Variants in OFD1 observed in about 807,000 individuals in gnomAD.
OFD1 encodes the protein centriole and centriolar satellite protein OFD1.
In OFD1, 12 loss-of-function variants were observed where a neutral mutation model predicts 81.4. The ratio of observed to expected loss-of-function variants is 0.15; its 90% CI spans 0.09 to 0.24. The LOEUF is 0.24. Ranked by LOEUF, OFD1 falls within the 10% of genes least tolerant of loss-of-function variation. The pLI, the probability that OFD1 is intolerant of heterozygous loss-of-function variation, is 1.00. For missense variants in OFD1, 685 were observed against 733.9 expected (o/e 0.93, Z 0.77); for synonymous variants, 256 against 263.7 (o/e 0.97, Z 0.28).
At chrX:13,765,059 G>A (rs965761449) in intron 19 of OFD1, among the ~76,000 whole-genome samples, 3 of 112,296 alleles carry the variant, frequency 2.7e-5, no homozygotes, top group African/African-American at 9.7e-5. Context: ...GAGTAACTAG[G>A]TGTTCTGCTG....
At chrX:13,738,727 T>A (rs1412341953) in intron 3 of OFD1, 119 bp from the exon 4 acceptor site, 1 of 508,056 alleles carries the variant, frequency 2.0e-6, no homozygotes. Context: ...ATTAGCATAG[T>A]TATAATCTTA....
the OFD1 span, among the ~76,000 whole-genome samples, chrX:13,729,633 G>A: frequency 1.8e-5 from 2 of 111,836 alleles, no homozygotes; most frequent in African/African-American, 3.3e-5. Context: ...TTAGGGCTGG[G>A]CACGGTGGCT....
At chrX:13,731,292 G>A (rs775926777), upstream of OFD1, among the ~76,000 whole-genome samples, 2 of 111,845 alleles carry the variant, frequency 1.8e-5, no homozygotes, top group African/African-American at 3.3e-5. Context: ...CATTCAGAGC[G>A]ACTAGAACAC....
At chrX:13,740,786 C>T (rs1172315745) in intron 5 of OFD1, among the ~76,000 whole-genome samples, 3 of 103,733 alleles carry the variant, frequency 2.9e-5, no homozygotes, top group African/African-American at 1.1e-4. Context: ...GAGCTGGACT[C>T]CATCTCAAAA....
intron 11 of OFD1, among the ~76,000 whole-genome samples, 195 bp from the exon 12 acceptor site, chrX:13,754,956 C>G (rs1157211726): frequency 5.3e-5 from 6 of 112,632 alleles, no homozygotes; most frequent in Admixed American, 4.7e-4. Flanking sequence ...AGTGGAATTT[C>G]ACCACATATA....
rs140561107 is a variant in OFD1, at chrX:13,756,755, C to T, written c.1399C>T (p.Arg467Cys). The change falls in exon 13 of 23, where the codon CGT becomes TGT. Residue 467 changes from arginine to cysteine, a missense_variant. Arg to Cys is a radical substitution (Grantham distance 180). Transcript: ENST00000340096. ...QLEESRNENL[R>C]LLNRLAQPAP... ...GGAAGAGAGTAGAAATGAAAACCTG[C>T]GTCTCCTAAACCGTATGTATTTTTC... 30 of 1,198,809 alleles carry T rather than the reference C, an allele frequency of 2.5e-5. No homozygotes were observed. The highest frequency in any genetic ancestry group is 1.2e-4 in the African/African-American group (7 of 57,010).
intron 3 of OFD1, 109 bp downstream of exon 3, chrX:13,736,787 G>C: frequency 1.8e-6 from 1 of 560,798 alleles, no homozygotes; most frequent in Non-Finnish European, 3.0e-6. Flanking sequence ...GTCCATTTCT[G>C]TTTCCTCTTT....
the OFD1 span, among the ~76,000 whole-genome samples, chrX:13,719,152 G>C: frequency 9.1e-6 from 1 of 110,276 alleles, no homozygotes; most frequent in Non-Finnish European, 1.9e-5. Flanking sequence ...GCAAGACTCT[G>C]TCTCAAAAAG....
intron 18 of OFD1, among the ~76,000 whole-genome samples, chrX:13,763,206 A>T (rs1238535495): frequency 8.9e-6 from 1 of 112,923 alleles, no homozygotes; most frequent in Non-Finnish European, 1.9e-5. Context: ...CCTGCCTTAG[A>T]CTGTCTTACT....
intron 18 of OFD1, among the ~76,000 whole-genome samples, chrX:13,763,298 T>G (rs996511395): frequency 8.9e-5 from 10 of 112,673 alleles, no homozygotes; most frequent in African/African-American, 3.2e-4. Context: ...AATCTTTATA[T>G]TTGCATATAA....
chrX:13,751,886 T>G lies in OFD1; in HGVS notation c.1055+518T>G, dbSNP rs375725168. The stretch of plus-strand genomic sequence containing the variant: ...AGAGAAGCACATCCTCTGCGCTTCT[T>G]ATGGCTTCTCTAACGTTTATTGTGG... On this transcript the variant is annotated intron_variant, in intron 10 of 22. Coordinates refer to ENST00000340096, the MANE Select transcript of OFD1 (RefSeq NM_003611.3). Among the ~76,000 whole-genome samples the G allele has an allele frequency of 8.9e-5, 10 of 112,201 alleles. No individual in the cohort carries two copies. In the East Asian group the frequency reaches 1.9e-3, roughly 22 times the overall value.
intron 19 of OFD1, 42 bp downstream of exon 19, chrX:13,763,897 C>T (rs2048029492): frequency 2.1e-6 from 2 of 947,859 alleles, no homozygotes; most frequent in Non-Finnish European, 3.0e-6. Context: ...GGGTCGCATA[C>T]TAAATACCAG....
chrX:13,719,766 C>T, the OFD1 span: 1 of 633,287 alleles, frequency 1.6e-6, no homozygotes, highest in Non-Finnish European at 2.4e-6. Flanking sequence ...CTGAGCAAGC[C>T]TCATTTAATT....
chrX:13,715,985 AT>A, the OFD1 span: 1 of 1,170,208 alleles, frequency 8.5e-7, no homozygotes, highest in Non-Finnish European at 1.1e-6. Flanking sequence ...GAATTTAAAA[AT>A]TATAGAACAT....
the OFD1 span, among the ~76,000 whole-genome samples, chrX:13,724,080 A>C: frequency 1.8e-5 from 2 of 111,713 alleles, no homozygotes; most frequent in East Asian, 5.6e-4. Context: ...GGAATGCAGG[A>C]GGCCCCCAGA....
intron 5 of OFD1, among the ~76,000 whole-genome samples, chrX:13,741,336 G>A (rs1358794203): frequency 3.6e-5 from 4 of 111,281 alleles, no homozygotes; most frequent in Non-Finnish European, 3.8e-5. Flanking sequence ...ATAGCTCCTG[G>A]TAAGATAAAA....
At chrX:13,739,203 T>C (rs955762386) in intron 5 of OFD1, 171 bp downstream of exon 5, 2 of 458,273 alleles carry the variant, frequency 4.4e-6, no homozygotes, top group African/African-American at 2.5e-5. Context: ...CTTTTAGATA[T>C]TCAATTAAAA....
In OFD1 at chrX:13,746,403, A is replaced by G. The variant is rs769084084; in HGVS notation, c.602A>G (p.Asn201Ser). The part of the protein sequence containing the change: ...IKFESLEIKL[N>S]EYKREIEEQL... ...TTCGAATCTTTAGAAATAAAGCTAA[A>G]TGAGTATAAGAGAGAAATAGAAGAG... Residue 201 changes from asparagine to serine, a missense_variant, in exon 7 of 23, where the codon AAT becomes AGT. By Grantham distance (46) the Asn-to-Ser change is conservative (BLOSUM62 1). This residue lies in a region of OFD1 where 414 missense variants were observed against 447.2 expected (regional missense o/e 0.93). Coordinates refer to ENST00000340096, the MANE Select transcript of OFD1 (RefSeq NM_003611.3). The G allele has an allele frequency of 1.7e-6, 2 of 1,208,127 alleles. No individual in the cohort carries two copies. Among genetic ancestry groups the G allele is most frequent in the Admixed American group, 2.2e-5 (1 of 46,063 alleles).
intron 6 of OFD1, among the ~76,000 whole-genome samples, chrX:13,745,392 A>G (rs1227577660): frequency 8.9e-6 from 1 of 112,297 alleles, no homozygotes; most frequent in Non-Finnish European, 1.9e-5. Flanking sequence ...CATATATTCA[A>G]TATAAAAAAT....
Sources: allele counts gnomAD v4.1 joint callset (sites outside exome capture counted in the v4.1 genomes callset), GRCh38; gene constraint gnomAD v4.1.1; regional missense constraint gnomAD v4.1.1; transcripts MANE v1.5; gene names NCBI Gene and HGNC (gene_info 2026-07-23, HGNC 2026-07-21).